The following ACTA2 variants were observed in gnomAD, a reference collection of about 807,000 sequenced individuals.
ACTA2 encodes actin alpha 2, smooth muscle.
Under a neutral mutation model 39.5 loss-of-function variants are expected in ACTA2, and 12 were observed. The ratio of observed to expected loss-of-function variants is 0.30; its 90% confidence interval spans 0.19 to 0.49. The LOEUF (loss-of-function observed/expected upper bound fraction) is 0.49, where lower values mean the gene tolerates loss of function less well. Among genes scored for constraint, ACTA2 ranks in the 20% least tolerant of loss-of-function variants. The pLI is 0.99. For missense variants in ACTA2, 236 were observed against 498.8 expected, an observed-to-expected ratio of 0.47 and a Z score of 5.02; for synonymous variants, 158 against 180.6, an observed-to-expected ratio of 0.88 and a Z score of 1.00.
chr10:88,973,056 A>C (rs1265077729), intron 1 of ACTA2: 1 of 1,091,214 alleles, frequency 9.2e-7, no homozygotes, highest in African/African-American at 1.6e-5. Context: ...TTTAAAAGCT[A>C]ACCTTGTAAG....
At chr10:88,937,817 G>A (rs1373172166) in intron 8 of ACTA2, among the ~76,000 whole-genome samples, 1 of 152,168 alleles carries the variant, frequency 6.6e-6, no homozygotes, top group Admixed American at 6.5e-5. Flanking sequence ...GACTTTGACT[G>A]CAGCTACTGA....
exon 1 of ACTA2, chr10:88,991,309 G>A (rs902467493): frequency 1.3e-5 from 5 of 377,052 alleles, no homozygotes; most frequent in African/African-American, 1.1e-4. Flanking sequence ...CGGAACTCCT[G>A]GACAAGCCCT....
At chr10:88,963,113 C>T (rs1432648635) in intron 1 of ACTA2, among the ~76,000 whole-genome samples, 1 of 151,338 alleles carries the variant, frequency 6.6e-6, no homozygotes, top group East Asian at 2.0e-4. Context: ...AATTACCTCC[C>T]ACCAGGTCAC....
intron 4 of ACTA2, 76 bp from the exon 5 acceptor site, chr10:88,941,945 T>A: frequency 7.3e-7 from 1 of 1,366,532 alleles, no homozygotes; most frequent in South Asian, 1.2e-5. Flanking sequence ...CACACCTGGT[T>A]GATGGATGCA....
At position 88,941,846 on chromosome 10, in the gene ACTA2, G is replaced by A. The variant is rs752609914; in HGVS notation, c.393C>T (p.Val131=). Residue 131 remains valine (V), a synonymous_variant, in exon 5 of 9, where the codon GTC becomes GTT. Transcript: ENST00000224784. The part of the protein sequence containing the change: ...MTQIMFETFN[V]PAMYVAIQAV... ...CCTGGATAGCCACATACATGGCTGG[G>A]ACATTGAAAGTCTCAAACATAATCT... The A allele has an allele frequency of 8.1e-6, 13 of 1,612,868 alleles. No individual in the cohort carries two copies. The highest frequency in any genetic ancestry group is 1.0e-5 in the Non-Finnish European group (12 of 1,179,458).
Position 88,939,623 on chromosome 10 carries a change from G to A in ACTA2, c.692C>T (p.Thr231Ile). Residue 231 changes from threonine to isoleucine, a missense_variant, in exon 7 of 9, where the codon ACT (threonine) becomes ATT (isoleucine). Coordinates refer to ENST00000224784, the MANE Select transcript of ACTA2 (RefSeq NM_001613.4). ...VALDFENEMA[T>I]AASSSSLEKS... ...CTCAAGGGAGGATGAGGATGCGGCA[G>A]TGGCCATCTCATTTTCAAAGTCCAG... is the stretch of plus-strand genomic sequence containing the variant. The A allele has an allele frequency of 6.2e-7, 1 of 1,614,126 alleles. No homozygotes were observed. Among genetic ancestry groups the A allele is most frequent in the Non-Finnish European group, 8.5e-7 (1 of 1,179,988 alleles).
At chr10:88,972,583 A>G (rs1188819134) in intron 1 of ACTA2, among the ~76,000 whole-genome samples, 4 of 150,790 alleles carry the variant, frequency 2.7e-5, no homozygotes, top group Admixed American at 2.6e-4. Flanking sequence ...TAATTTATCT[A>G]TTAGCTTTTT....
intron 1 of ACTA2, among the ~76,000 whole-genome samples, chr10:88,964,892 C>T (rs1303983338): frequency 1.3e-5 from 2 of 152,074 alleles, no homozygotes; most frequent in South Asian, 4.1e-4. Flanking sequence ...TTTCCTCTGC[C>T]CTCCTGTTTG....
upstream of ACTA2, among the ~76,000 whole-genome samples, chr10:88,952,992 G>A (rs934707676): frequency 2.0e-5 from 3 of 152,210 alleles, no homozygotes; most frequent in African/African-American, 4.8e-5. Flanking sequence ...CGGTTCAGCC[G>A]CCTGTGGGAG....
At chr10:88,944,394 C>G (rs548821490) in intron 3 of ACTA2, among the ~76,000 whole-genome samples, 2 of 152,254 alleles carry the variant, frequency 1.3e-5, no homozygotes, top group African/African-American at 4.8e-5. Flanking sequence ...TATTATTATT[C>G]AACTCTATTT....
chr10:88,947,095 AT>A (rs529237156), intron 3 of ACTA2, 162 bp downstream of exon 3: 141 of 1,006,950 alleles, frequency 1.4e-4, no homozygotes, highest in East Asian at 1.8e-4. Flanking sequence ...GGCTACAAGG[AT>A]TTTTTTTTCA....
intron 5 of ACTA2, 36 bp from the exon 6 acceptor site, chr10:88,941,426 A>C: frequency 6.2e-7 from 1 of 1,613,678 alleles, no homozygotes; most frequent in Non-Finnish European, 8.5e-7. Context: ...TCACCATGGC[A>C]GCTGGCATGT....
Position 88,990,928 on chromosome 10 carries a change from T to C in ACTA2, c.-24+11A>G. On this transcript the variant is annotated intron_variant, in intron 1 of 4. Transcript: ENST00000415557. The surrounding 1 kb of genome is among the most constrained non-coding windows in gnomAD (Gnocchi z 4.9). ...TCTGGTGAGCCCTCTCCTGCCCGGG[T>C]GGAGGCTTACCCCGTCTTAGTCCCG... 6.2e-7 allele frequency: 1 copy of C among 1,614,008 alleles called. No homozygotes were observed. The highest frequency in any genetic ancestry group is 8.5e-7 in the Non-Finnish European group (1 of 1,179,968).
intron 1 of ACTA2, among the ~76,000 whole-genome samples, chr10:88,952,157 A>G (rs1489480624): frequency 6.6e-6 from 1 of 152,202 alleles, no homozygotes; most frequent in Non-Finnish European, 1.5e-5. Flanking sequence ...CACATTTCCA[A>G]CAAAAAAGAG....
intron 1 of ACTA2, among the ~76,000 whole-genome samples, chr10:88,970,896 T>C (rs1055651504): frequency 8.6e-5 from 13 of 151,842 alleles, no homozygotes; most frequent in Middle Eastern, 3.4e-3. Flanking sequence ...TGTGTGTGTG[T>C]GTATATATAT....
At chr10:88,965,654 A>G (rs1188346874) in intron 1 of ACTA2, among the ~76,000 whole-genome samples, 1 of 128,866 alleles carries the variant, frequency 7.8e-6, no homozygotes, top group African/African-American at 3.0e-5. Flanking sequence ...TGCAAGGTCA[A>G]GCCATTATAA....
At chr10:88,967,811 C>T (rs1006873169) in intron 1 of ACTA2, among the ~76,000 whole-genome samples, 1 of 152,174 alleles carries the variant, frequency 6.6e-6, no homozygotes, top group African/African-American at 2.4e-5. Context: ...TCATTTCAAT[C>T]ATCCCTAAAT....
chr10:88,984,644 A>C (rs909462860), intron 1 of ACTA2, among the ~76,000 whole-genome samples: 2 of 151,696 alleles, frequency 1.3e-5, no homozygotes, highest in Admixed American at 6.6e-5. Flanking sequence ...GATGTGGTCC[A>C]TGCTCTCTGA....
chr10:88,935,396 T>C lies in ACTA2; in HGVS notation c.991-30A>G, dbSNP rs368262366. ...CAGTCAAGATGAAAAAGAATGGTCA[T>C]TAATGTCATCATTAGTGCAGTCGTT... On this transcript the variant is annotated intron_variant, in intron 8 of 8. Coordinates refer to ENST00000224784, the MANE Select transcript of ACTA2 (RefSeq NM_001613.4). The C allele has an allele frequency of 2.5e-5, 40 of 1,612,312 alleles. No homozygotes were observed. In the African/African-American group the frequency reaches 4.5e-4, roughly 18 times the overall value.
Sources: gnomAD v4.1 joint callset for allele counts (sites outside exome capture counted in the v4.1 genomes callset) on GRCh38, gnomAD v4.1.1 for gene constraint, Gnocchi (gnomAD v3.1) non-coding constraint, MANE v1.5 for transcripts, NCBI Gene and HGNC (gene_info 2026-07-23, HGNC 2026-07-21) for gene names.